ANKRD11: variants seen among roughly 807,000 people sequenced by gnomAD.
ANKRD11 encodes ankyrin repeat domain 11.
Under a neutral mutation model 195.7 loss-of-function variants are expected in ANKRD11, and 17 were observed. The observed-to-expected ratio is 0.09, with a 90% CI of 0.06 to 0.13. The LOEUF is 0.13. ANKRD11 is among the 10% of genes least tolerant of loss of function. ANKRD11 has a pLI of 1.00. For synonymous variants in ANKRD11, 1,953 were observed against 1,528.1 expected, an observed-to-expected ratio of 1.28 and a Z score of -6.49; for missense variants, 3,735 against 3,566.1, an observed-to-expected ratio of 1.05 and a Z score of -1.21.
chr16:89,468,525 C>G (rs939881524), intron 1 of ANKRD11, among the ~76,000 whole-genome samples: 2 of 152,070 alleles, frequency 1.3e-5, no homozygotes, highest in African/African-American at 4.8e-5. Context: ...GCCAACATGT[C>G]GAAATCCTGT....
chr16:89,276,500 G>A (rs1014164566), intron 9 of ANKRD11, among the ~76,000 whole-genome samples: 6 of 152,178 alleles, frequency 3.9e-5, no homozygotes, highest in African/African-American at 1.2e-4. Context: ...AGAAGGCCCC[G>A]CCTCACGCCT....
intron 1 of ANKRD11, among the ~76,000 whole-genome samples, chr16:89,487,170 A>T (rs1453316930): frequency 6.6e-6 from 1 of 152,234 alleles, no homozygotes; most frequent in Non-Finnish European, 1.5e-5. Flanking sequence ...ACTACACAAG[A>T]GTCACAAACT....
At chr16:89,288,822 C>T in intron 6 of ANKRD11, 152 bp from the exon 7 acceptor site, 1 of 1,046,326 alleles carries the variant, frequency 9.6e-7, no homozygotes, top group Non-Finnish European at 1.4e-6. Context: ...GAAGCAGGTG[C>T]TGGCCCAGAG....
At chr16:89,337,198 AC>A (rs1223257752) in intron 2 of ANKRD11, among the ~76,000 whole-genome samples, 2 of 151,702 alleles carry the variant, frequency 1.3e-5, no homozygotes, top group East Asian at 3.9e-4. Flanking sequence ...AAAACAAAAA[AC>A]AAAAAACTGC....
At chr16:89,415,852 A>AAAAAAAAAAAAAAAAAAAAAAAAAG (rs1346811521) in intron 2 of ANKRD11, among the ~76,000 whole-genome samples, 1 of 147,366 alleles carries the variant, frequency 6.8e-6, no homozygotes. Flanking sequence ...AAAAAAAAAC[A>AAAAAAAAAAAAAAAAAAAAAAAAAG]ATGGAGAACC....
intron 2 of ANKRD11, among the ~76,000 whole-genome samples, chr16:89,370,065 A>G (rs1290546456): frequency 3.3e-5 from 5 of 152,208 alleles, no homozygotes; most frequent in African/African-American, 9.7e-5. Context: ...CTGGCTTCAG[A>G]GCTCTCACTG....
chr16:89,291,811 C>CGGTGTGAGAGCTCG lies in ANKRD11; in HGVS notation c.227-642_227-629dup. 7.9e-7 allele frequency: 1 copy of CGGTGTGAGAGCTCG among 1,273,686 alleles called. No homozygotes were observed. The highest frequency in any genetic ancestry group is 1.2e-5 in the South Asian group (1 of 80,724). 78.9% of individuals were successfully genotyped at this position (1,273,686 alleles called of 1,614,324 possible). A position where few individuals can be genotyped will look rare whatever the true frequency, so the allele number is the denominator to read the frequency against. On this transcript the variant is annotated intron_variant, in intron 4 of 12. Transcript: ENST00000301030. This position sits in a 1 kb window ranked among gnomAD's most constrained non-coding sequence, Gnocchi z 5.3. Reference sequence around the variant, plus strand: ...ATCAACACAGAGCACTAACAAGACACGGTGTGAGAGCTCGGCTGTTTCCAC... The same window carrying CGGTGTGAGAGCTCG: ...ATCAACACAGAGCACTAACAAGACACGGTGTGAGAGCTCGGGTGTGAGAGCTCGGCTGTTTCCAC...
intron 11 of ANKRD11, chr16:89,272,693 T>C (rs2033268444): frequency 2.6e-5 from 4 of 152,148 alleles, no homozygotes; most frequent in Admixed American, 2.6e-4. Flanking sequence ...GGAATCAGTA[T>C]ATTGAAACGG....
At chr16:89,404,639 C>G (rs775696349) in intron 2 of ANKRD11, among the ~76,000 whole-genome samples, 3 of 152,216 alleles carry the variant, frequency 2.0e-5, no homozygotes, top group Non-Finnish European at 4.4e-5. Context: ...GACGCAGTCA[C>G]TACTATGGAT....
chr16:89,384,961 C>G (rs952244731), intron 2 of ANKRD11, among the ~76,000 whole-genome samples: 2 of 137,844 alleles, frequency 1.5e-5, no homozygotes, highest in Non-Finnish European at 3.0e-5. Context: ...TCTCAGCTCA[C>G]TGCAACCTCT....
At chr16:89,484,484 A>T (rs2057542283) in intron 1 of ANKRD11, among the ~76,000 whole-genome samples, 1 of 152,214 alleles carries the variant, frequency 6.6e-6, no homozygotes. Flanking sequence ...TCAGGAACCA[A>T]GCAGCCTACG....
chr16:89,428,345 G>GA (rs2042815062), intron 1 of ANKRD11, among the ~76,000 whole-genome samples: 1 of 152,076 alleles, frequency 6.6e-6, no homozygotes. Context: ...CCAACACGGT[G>GA]AAACCCCGTC....
At position 89,279,933 on chromosome 16, in the gene ANKRD11, G is replaced by A. The variant is rs993671847; in HGVS notation, c.6609C>T (p.Leu2203=). The A allele has an allele frequency of 8.1e-6, 13 of 1,609,994 alleles. No homozygotes were observed. Among genetic ancestry groups the A allele is most frequent in the Non-Finnish European group, 1.1e-5 (13 of 1,179,834 alleles). The change falls in exon 9 of 13, where the codon CTC becomes CTT. Residue 2203 remains leucine, a synonymous_variant. Coordinates refer to ENST00000301030, the MANE Select transcript of ANKRD11 (RefSeq NM_013275.6). This position sits in a 1 kb window ranked among gnomAD's most constrained non-coding sequence, Gnocchi z 5.6. ...DQASTRLPAE[L]EPEPSGEPKL... is the part of the protein sequence containing the mutation. ...TTGGCTCCCCTGAGGGCTCAGGCTCGAGCTCTGCAGGGAGCCGGGTGGAGG... is the reference window on the plus strand; with the variant it reads ...TTGGCTCCCCTGAGGGCTCAGGCTCAAGCTCTGCAGGGAGCCGGGTGGAGG...
intron 1 of ANKRD11, among the ~76,000 whole-genome samples, chr16:89,465,294 T>C (rs2056844363): frequency 6.6e-6 from 1 of 152,116 alleles, no homozygotes; most frequent in Admixed American, 6.6e-5. Context: ...ATCTAAACCC[T>C]AAAAATAGCA....
At chr16:89,487,550 T>C (rs2057661527) in intron 1 of ANKRD11, among the ~76,000 whole-genome samples, 1 of 151,974 alleles carries the variant, frequency 6.6e-6, no homozygotes, top group South Asian at 2.1e-4. Flanking sequence ...CCAAGGCAGG[T>C]GGATCACAAG....
chr16:89,441,793 A>AAAAC (rs1555581853), intron 1 of ANKRD11, among the ~76,000 whole-genome samples: 1 of 141,848 alleles, frequency 7.0e-6, no homozygotes, highest in African/African-American at 2.6e-5. Flanking sequence ...AAAAAAAAAA[A>AAAAC]CGCAAACCTG....
chr16:89,426,870 A>T (rs1360978353), intron 1 of ANKRD11, among the ~76,000 whole-genome samples: 1 of 152,254 alleles, frequency 6.6e-6, no homozygotes, highest in Non-Finnish European at 1.5e-5. Context: ...ACAATCGCTT[A>T]GTTATTTGTG....
chr16:89,279,598 G>A lies in ANKRD11; in HGVS notation c.6944C>T (p.Ala2315Val), dbSNP rs2033987009. The A allele has an allele frequency of 4.2e-6, 6 of 1,442,664 alleles. No homozygotes were observed. The highest frequency in any genetic ancestry group is 5.5e-6 in the Non-Finnish European group (6 of 1,098,636). 89.4% of individuals were successfully genotyped at this position (1,442,664 alleles called of 1,614,324 possible). Residue 2315 changes from alanine (A) to valine (V), a missense_variant, in exon 9 of 13, where the codon GCA becomes GTA. Coordinates refer to ENST00000301030, the MANE Select transcript of ANKRD11 (RefSeq NM_013275.6). The surrounding 1 kb of genome is among the most constrained non-coding windows in gnomAD (Gnocchi z 5.6). The part of the protein sequence containing the change: ...GPPGGIQPEA[A>V]EPKPTAEAPK... ...GGCTTCGGCCGTGGGTTTTGGTTCT[G>A]CGGCTTCCGGCTGGATGCCGCCAGG...
intron 2 of ANKRD11, among the ~76,000 whole-genome samples, chr16:89,368,643 C>T (rs1052632881): frequency 6.7e-6 from 1 of 150,294 alleles, no homozygotes; most frequent in Non-Finnish European, 1.5e-5. Flanking sequence ...TGCCATGGCT[C>T]ACATCTGTAA....
Sources: gnomAD v4.1 joint callset for allele counts (sites outside exome capture counted in the v4.1 genomes callset) on GRCh38, gnomAD v4.1.1 for gene constraint, Gnocchi (gnomAD v3.1) non-coding constraint, MANE v1.5 for transcripts, NCBI Gene and HGNC (gene_info 2026-07-23, HGNC 2026-07-21) for gene names.